EPB41L5: variants seen among roughly 807,000 people sequenced by gnomAD.
EPB41L5 encodes band 4.1-like protein 5.
EPB41L5 carries 55 observed loss-of-function variants against 106.6 expected under a neutral mutation model. That is an observed-to-expected ratio of 0.52 (90% CI 0.42 to 0.65). The LOEUF is 0.65. Ranked by LOEUF, EPB41L5 falls within the 30% of genes least tolerant of loss-of-function variation. The pLI is 0.00. For missense variants in EPB41L5, 871 were observed against 882.1 expected, an observed-to-expected ratio of 0.99 and a Z score of 0.16; for synonymous variants, 297 against 306.7, an observed-to-expected ratio of 0.97 and a Z score of 0.33.
intron 17 of EPB41L5, among the ~76,000 whole-genome samples, chr2:120,130,268 G>A (rs4849825): frequency 0.69 from 105,147 of 152,034 alleles, 37,809 homozygotes; most frequent in Non-Finnish European, 0.79. Flanking sequence ...TGGGAGTTTA[G>A]TTCATATGAC....
rs375754153 is a variant in EPB41L5, at chr2:120,061,031, GTTTTTTTTTTTTTT to G, written c.286-12133_286-12120del. ...TTAGAATTTTAACTGGTTCAGGGAA[GTTTTTTTTTTTTTT>G]TTTTTTTTTTTTTGAGAAGGAGTCT... On this transcript the variant is annotated intron_variant, in intron 3 of 24. Transcript: ENST00000263713. Among the ~76,000 whole-genome samples the G allele has an allele frequency of 7.2e-5, 5 of 69,128 alleles. No homozygotes were observed. The South Asian group carries it at 3.3e-3, about 45-fold the overall frequency. The allele number at this position is 69,128 out of a possible 152,430, so 45.4% of individuals were successfully genotyped here. A position where few individuals can be genotyped will look rare whatever the true frequency, so the allele number is the denominator to read the frequency against.
intron 1 of EPB41L5, chr2:120,013,539 C>T (rs185056795): frequency 2.0e-5 from 3 of 152,336 alleles, no homozygotes; most frequent in African/African-American, 7.2e-5. Context: ...CCTCGCTGGT[C>T]CGCTGGGCTG....
intron 3 of EPB41L5, among the ~76,000 whole-genome samples, chr2:120,046,230 A>C (rs1214017128): frequency 1.3e-5 from 2 of 152,210 alleles, no homozygotes; most frequent in African/African-American, 2.4e-5. Flanking sequence ...AGGAATCCCC[A>C]CACTGTCTTC....
At chr2:120,173,653 T>C (rs1237123619) in intron 24 of EPB41L5, among the ~76,000 whole-genome samples, 1 of 152,252 alleles carries the variant, frequency 6.6e-6, no homozygotes, top group Non-Finnish European at 1.5e-5. Flanking sequence ...AGTTATGTCC[T>C]TTGTATTATG....
At chr2:120,120,308 T>C (rs1255147562) in intron 16 of EPB41L5, among the ~76,000 whole-genome samples, 1 of 151,830 alleles carries the variant, frequency 6.6e-6, no homozygotes, top group African/African-American at 2.4e-5. Context: ...GGCACGTGGC[T>C]GTAGTCCCGG....
intron 9 of EPB41L5, 48 bp from the exon 10 acceptor site, chr2:120,078,445 C>G: frequency 7.9e-7 from 1 of 1,258,978 alleles, no homozygotes; most frequent in Non-Finnish European, 1.1e-6. Context: ...CAATGTGAAA[C>G]CTGTTTTGTA....
intron 3 of EPB41L5, among the ~76,000 whole-genome samples, chr2:120,057,293 T>C (rs745650628): frequency 3.9e-5 from 6 of 152,232 alleles, no homozygotes; most frequent in Non-Finnish European, 7.3e-5. Flanking sequence ...TAAACCAGAA[T>C]ATATGGTCAT....
In EPB41L5 at chr2:120,167,554, G is replaced by A. The variant is rs1687470454; in HGVS notation, c.2004+47G>A. On this transcript the variant is annotated intron_variant, in intron 23 of 24. Transcript: ENST00000263713. ...TTTTTCTTCTGGCTACCCTTTCAGG[G>A]TAAGGCCTAAAGGATTACTAGGTTC... 3.2e-6 allele frequency: 5 copies of A among 1,581,344 alleles called. No homozygotes were observed. In the South Asian group the frequency reaches 5.5e-5, roughly 18 times the overall value.
chr2:120,129,532 A>G (rs994414367), intron 17 of EPB41L5, among the ~76,000 whole-genome samples: 1 of 152,208 alleles, frequency 6.6e-6, no homozygotes, highest in Non-Finnish European at 1.5e-5. Context: ...TTTTATTTAC[A>G]TTCCACTTGA....
At chr2:120,161,614 T>C (rs1687143840) in intron 21 of EPB41L5, among the ~76,000 whole-genome samples, 1 of 152,214 alleles carries the variant, frequency 6.6e-6, no homozygotes, top group African/African-American at 2.4e-5. Flanking sequence ...AGGGATCTTT[T>C]TGAATTAGTA....
intron 3 of EPB41L5, among the ~76,000 whole-genome samples, chr2:120,060,522 ATATT>A (rs1282964385): frequency 2.0e-5 from 3 of 151,674 alleles, no homozygotes; most frequent in African/African-American, 4.8e-5. Flanking sequence ...AAAAGGTTAT[ATATT>A]ATATGATTCT....
At chr2:120,057,353 C>A (rs1193895784) in intron 3 of EPB41L5, among the ~76,000 whole-genome samples, 2 of 152,156 alleles carry the variant, frequency 1.3e-5, no homozygotes, top group African/African-American at 4.8e-5. Context: ...ATTTTAAAAT[C>A]TAAATGTAAT....
At chr2:120,048,960 A>G (rs968601488) in intron 3 of EPB41L5, among the ~76,000 whole-genome samples, 19 of 152,132 alleles carry the variant, frequency 1.2e-4, no homozygotes, top group Admixed American at 2.6e-4. Flanking sequence ...TTCAGTTTCT[A>G]TGTAGTTGAG....
At chr2:120,129,545 T>C (rs1476777039) in intron 17 of EPB41L5, among the ~76,000 whole-genome samples, 2 of 152,170 alleles carry the variant, frequency 1.3e-5, no homozygotes, top group African/African-American at 4.8e-5. Flanking sequence ...CCACTTGATA[T>C]CCATTACACT....
intron 2 of EPB41L5, among the ~76,000 whole-genome samples, chr2:120,037,768 A>G (rs1679135130): frequency 6.6e-6 from 1 of 152,220 alleles, no homozygotes; most frequent in African/African-American, 2.4e-5. Context: ...ATTTTTGACA[A>G]GGGTGCCAAA....
intron 3 of EPB41L5, among the ~76,000 whole-genome samples, chr2:120,055,571 C>T (rs1042984014): frequency 2.1e-5 from 3 of 143,668 alleles, no homozygotes; most frequent in Non-Finnish European, 4.5e-5. Context: ...TCACTGGAAC[C>T]TCTGCCTCCC....
intron 18 of EPB41L5, among the ~76,000 whole-genome samples, chr2:120,136,867 A>C (rs1374800314): frequency 6.6e-6 from 1 of 152,068 alleles, no homozygotes; most frequent in East Asian, 1.9e-4. Context: ...AATTGGATTT[A>C]ATCAGTGTAG....
At chr2:120,170,826 A>C (rs1244393091) in intron 24 of EPB41L5, among the ~76,000 whole-genome samples, 1 of 152,038 alleles carries the variant, frequency 6.6e-6, no homozygotes, top group African/African-American at 2.4e-5. Context: ...CAGGAGCACA[A>C]CTCTATAATG....
chr2:120,114,954 A>G (rs990340025), intron 16 of EPB41L5, among the ~76,000 whole-genome samples: 2 of 152,160 alleles, frequency 1.3e-5, no homozygotes, highest in Admixed American at 1.3e-4. Context: ...TTTTAGTTAT[A>G]TGTATGTTTA....
Sources: gnomAD v4.1 joint callset for allele counts (sites outside exome capture counted in the v4.1 genomes callset) on GRCh38, gnomAD v4.1.1 for gene constraint, MANE v1.5 for transcripts, NCBI Gene and HGNC (gene_info 2026-07-23, HGNC 2026-07-21) for gene names.